The following CNIH3 variants were observed in gnomAD, a reference collection of about 807,000 sequenced individuals.
The protein encoded by CNIH3 is protein cornichon homolog 3.
Under a neutral mutation model 24.1 loss-of-function variants are expected in CNIH3, and 14 were observed. That is an observed-to-expected ratio of 0.58 (90% CI 0.38 to 0.91). CNIH3 has a LOEUF of 0.91. Ranked by LOEUF, CNIH3 falls within the 40% of genes least tolerant of loss-of-function variation. The pLI, the probability that CNIH3 is intolerant of heterozygous loss-of-function variation, is 0.00. For synonymous variants in CNIH3, 68 were observed against 73.8 expected (o/e 0.92, Z 0.40); for missense variants, 178 against 196.8 (o/e 0.90, Z 0.57).
chr1:224,636,952 CTTTTT>C (rs202049764), intron 1 of CNIH3, among the ~76,000 whole-genome samples: 1 of 134,314 alleles, frequency 7.4e-6, no homozygotes, highest in Non-Finnish European at 1.6e-5. Context: ...GAGATGCATT[CTTTTT>C]TTTTTTTTTT....
rs1481319837 is a variant in CNIH3 at position 224,505,569 on chromosome 1, AC to A, written n.204-10168del. On this transcript the variant is annotated intron_variant and non_coding_transcript_variant, in intron 1 of 5. Transcript: ENST00000471578. ...CCTTTAACTTTCACAGGAAAATCAA[AC>A]CCCTAGGGTAGGTGTAATTATCCCC... Among the ~76,000 whole-genome samples, 79 of 152,172 alleles carry A rather than the reference AC, an allele frequency of 5.2e-4. 1 individual carries two copies. The highest frequency in any genetic ancestry group is 7.3e-5 in the Non-Finnish European group (5 of 68,032).
intron 1 of CNIH3, among the ~76,000 whole-genome samples, chr1:224,442,342 C>G (rs7529310): frequency 0.69 from 104,585 of 152,064 alleles, 38,425 homozygotes; most frequent in East Asian, 0.99. Flanking sequence ...TAACAGTAGC[C>G]TTTCTCTATA....
chr1:224,668,709 TG>T (rs1010535680), intron 1 of CNIH3, among the ~76,000 whole-genome samples: 1 of 151,948 alleles, frequency 6.6e-6, no homozygotes, highest in African/African-American at 2.4e-5. Context: ...AAAGGATGTG[TG>T]GAAGGTCACC....
In CNIH3 at chr1:224,630,175, T is replaced by G. The variant is rs574266636; in HGVS notation, c.81+12920T>G. Among the ~76,000 whole-genome samples, 359 of 152,294 alleles carry G rather than the reference T, an allele frequency of 2.4e-3. 1 individual carries two copies. In the Middle Eastern group the frequency reaches 0.027, roughly 12 times the overall value. ...CCTGCCATTAAGCACAAAGGGCATC[T>G]TGCCAAGAATTTTGTTATTGTTCAT... On this transcript the variant is annotated intron_variant, in intron 1 of 5. Coordinates refer to ENST00000272133, the MANE Select transcript of CNIH3 (RefSeq NM_152495.2).
intron 1 of CNIH3, among the ~76,000 whole-genome samples, chr1:224,657,324 G>A (rs1685143894): frequency 6.6e-6 from 1 of 152,038 alleles, no homozygotes; most frequent in Non-Finnish European, 1.5e-5. Flanking sequence ...CATAAAGCCA[G>A]TCCGCTATGG....
At chr1:224,460,082 G>T (rs371798964) in intron 1 of CNIH3, among the ~76,000 whole-genome samples, 4 of 151,682 alleles carry the variant, frequency 2.6e-5, no homozygotes, top group Non-Finnish European at 5.9e-5. Flanking sequence ...TTGTCATATC[G>T]CCCAGGCTGC....
intron 3 of CNIH3, among the ~76,000 whole-genome samples, chr1:224,694,803 T>C (rs1687087684): frequency 6.6e-6 from 1 of 152,222 alleles, no homozygotes. Flanking sequence ...TGGATGGAAC[T>C]GGAGGCCATT....
At chr1:224,594,034 G>A (rs750557620) in intron 3 of CNIH3, among the ~76,000 whole-genome samples, 2 of 152,218 alleles carry the variant, frequency 1.3e-5, no homozygotes, top group Non-Finnish European at 2.9e-5. Flanking sequence ...TGGGTACAGA[G>A]TTTTAGTTTG....
At chr1:224,673,807 AT>A (rs55650875) in intron 1 of CNIH3, among the ~76,000 whole-genome samples, 87 of 148,114 alleles carry the variant, frequency 5.9e-4, no homozygotes, top group South Asian at 6.4e-4. Flanking sequence ...TCTAGTCAGT[AT>A]TTTTTTTTTT....
At chr1:224,639,928 C>T (rs376000536) in intron 1 of CNIH3, among the ~76,000 whole-genome samples, 1 of 152,164 alleles carries the variant, frequency 6.6e-6, no homozygotes, top group East Asian at 1.9e-4. Context: ...GAGGCCGTAA[C>T]GATGTATCAC....
intron 1 of CNIH3, among the ~76,000 whole-genome samples, chr1:224,645,903 A>G (rs1471513594): frequency 6.6e-6 from 1 of 152,210 alleles, no homozygotes; most frequent in Non-Finnish European, 1.5e-5. Flanking sequence ...GTGGAGAAGC[A>G]TGGCCCATGT....
intron 1 of CNIH3, among the ~76,000 whole-genome samples, chr1:224,494,917 G>A (rs1677373292): frequency 6.6e-6 from 1 of 152,150 alleles, no homozygotes; most frequent in Admixed American, 6.5e-5. Context: ...GCTTTCTTCT[G>A]CCCTCTCTGC....
chr1:224,566,689 G>A (rs545632930), intron 4 of CNIH3, among the ~76,000 whole-genome samples: 35 of 152,270 alleles, frequency 2.3e-4, no homozygotes, highest in Non-Finnish European at 4.1e-4. Context: ...CCATGCAAAG[G>A]ACATGAACTC....
chr1:224,564,284 G>T (rs988374883), intron 3 of CNIH3, among the ~76,000 whole-genome samples: 3 of 152,208 alleles, frequency 2.0e-5, no homozygotes, highest in Non-Finnish European at 4.4e-5. Flanking sequence ...GTAGAAGAAG[G>T]TGTCACTACC....
intron 1 of CNIH3, among the ~76,000 whole-genome samples, chr1:224,441,375 A>G (rs578140747): frequency 1.3e-5 from 2 of 152,270 alleles, no homozygotes; most frequent in Non-Finnish European, 1.5e-5. Context: ...ATCTCTGCAC[A>G]CACCCACCCC....
At chr1:224,708,184 C>G (rs1201557088) in intron 3 of CNIH3, among the ~76,000 whole-genome samples, 6 of 152,038 alleles carry the variant, frequency 3.9e-5, no homozygotes, top group African/African-American at 1.2e-4. Context: ...CCCTATTTCC[C>G]CCTCCACTTC....
At chr1:224,543,692 A>G (rs1418812330) in intron 2 of CNIH3, among the ~76,000 whole-genome samples, 3 of 152,172 alleles carry the variant, frequency 2.0e-5, no homozygotes, top group Non-Finnish European at 4.4e-5. Flanking sequence ...ACCTTGCCAG[A>G]CTTGCTTCCT....
chr1:224,465,195 C>T (rs1280400682), intron 1 of CNIH3, among the ~76,000 whole-genome samples: 1 of 151,946 alleles, frequency 6.6e-6, no homozygotes, highest in Admixed American at 6.6e-5. Flanking sequence ...CCGCAACCTC[C>T]ACCTCCTGGA....
intron 5 of CNIH3, 31 bp downstream of exon 5, chr1:224,734,737 C>T (rs777776122): frequency 1.9e-6 from 3 of 1,610,318 alleles, no homozygotes; most frequent in Middle Eastern, 1.7e-4. Flanking sequence ...GTGGTTTTGA[C>T]TCCTGCAGCA....
Sources: allele counts gnomAD v4.1 joint callset (sites outside exome capture counted in the v4.1 genomes callset), GRCh38; gene constraint gnomAD v4.1.1; transcripts MANE v1.5; gene names NCBI Gene and HGNC (gene_info 2026-07-23, HGNC 2026-07-21).